Variants in PRKD3 observed in about 807,000 individuals in gnomAD.
PRKD3 encodes serine/threonine-protein kinase D3.
In PRKD3, 47 loss-of-function variants were observed where a neutral mutation model predicts 99.2. That is an observed-to-expected ratio of 0.47 (90% confidence interval 0.38 to 0.60). PRKD3 has a LOEUF of 0.60. Ranked by LOEUF, PRKD3 falls within the 20% of genes least tolerant of loss-of-function variation. The probability of loss-of-function intolerance (pLI) is 0.00; values close to 1 mark genes in which losing one functional copy is unlikely to be tolerated. For synonymous variants in PRKD3, 392 were observed against 355.4 expected, an observed-to-expected ratio of 1.10 and a Z score of -1.16; for missense variants, 1,019 against 1,088.4, an observed-to-expected ratio of 0.94 and a Z score of 0.90.
intron 1 of PRKD3, among the ~76,000 whole-genome samples, chr2:37,322,456 CAG>C (rs149561077): frequency 0.022 from 3,388 of 152,326 alleles, 57 homozygotes; most frequent in Middle Eastern, 0.051. Flanking sequence ...CTTCCACTGT[CAG>C]AGAGTACTGA....
intron 2 of PRKD3, among the ~76,000 whole-genome samples, chr2:37,295,853 A>G (rs1670650905): frequency 6.6e-6 from 1 of 152,250 alleles, no homozygotes. Flanking sequence ...TGCTGACAGC[A>G]TTGTGTAGAG....
intron 14 of PRKD3, among the ~76,000 whole-genome samples, chr2:37,266,327 AT>A (rs761696747): frequency 6.6e-6 from 1 of 152,100 alleles, no homozygotes; most frequent in Non-Finnish European, 1.5e-5. Context: ...AGCATTAACC[AT>A]TTTTTGTTGT....
chr2:37,253,999 T>C (rs997732745), intron 18 of PRKD3, among the ~76,000 whole-genome samples: 1 of 152,216 alleles, frequency 6.6e-6, no homozygotes, highest in African/African-American at 2.4e-5. Flanking sequence ...GGCTAAGTCA[T>C]TGCTTTCAGT....
intron 13 of PRKD3, chr2:37,268,613 G>A (rs905238509): frequency 7.6e-6 from 2 of 261,962 alleles, no homozygotes; most frequent in African/African-American, 4.6e-5. Flanking sequence ...TTATTTGATG[G>A]AGAAATAGGT....
chr2:37,305,103 T>C (rs1279623313), intron 2 of PRKD3, among the ~76,000 whole-genome samples: 2 of 151,350 alleles, frequency 1.3e-5, no homozygotes, highest in African/African-American at 2.4e-5. Flanking sequence ...AAAGAATGGA[T>C]AGAAAAAAAA....
At chr2:37,284,794 A>G (rs531101963) in intron 6 of PRKD3, among the ~76,000 whole-genome samples, 1 of 152,088 alleles carries the variant, frequency 6.6e-6, no homozygotes, top group South Asian at 2.1e-4. Context: ...TATTATTATT[A>G]TTATTTTTTA....
Position 37,286,193 on chromosome 2 carries a change from T to C in PRKD3, c.894A>G (p.Gln298=). 1 of 1,613,078 alleles carries C rather than the reference T, an allele frequency of 6.2e-7. No individual in the cohort carries two copies. Among genetic ancestry groups the C allele is most frequent in the Non-Finnish European group, 8.5e-7 (1 of 1,179,258 alleles). ...TAATCCTACCTTTACACTGCATTCC[T>C]TGGCGAAAGAGGCCTTTCAGTAACC... The part of the protein sequence containing the change: ...CKRLLKGLFR[Q]GMQCKDCKFN... The change falls in exon 6 of 19, where the codon CAA becomes CAG. Residue 298 remains glutamine, a synonymous_variant. Transcript: ENST00000234179.
intron 2 of PRKD3, among the ~76,000 whole-genome samples, chr2:37,300,409 A>C (rs1670870636): frequency 6.6e-6 from 1 of 152,224 alleles, no homozygotes; most frequent in Non-Finnish European, 1.5e-5. Context: ...AGGGTTGGTT[A>C]ATGATTACAA....
chr2:37,294,688 A>T (rs1162642049), intron 2 of PRKD3, among the ~76,000 whole-genome samples: 1 of 152,216 alleles, frequency 6.6e-6, no homozygotes, highest in East Asian at 1.9e-4. Context: ...AATTTTACTA[A>T]ATTTTATGAA....
rs145240123 is a variant in PRKD3 at position 37,319,044 on chromosome 2, T to C, written c.-655-1865A>G. On this transcript the variant is annotated intron_variant, in intron 1 of 18. Transcript: ENST00000234179. ...TGGAAAAAAATAACAATAGCTTACA[T>C]TTATTAAGCTCTTACTATCTGTCAG... 2.6e-5 allele frequency among the ~76,000 whole-genome samples: 4 copies of C among 152,314 alleles called. No individual in the cohort carries two copies. The East Asian group carries it at 7.7e-4, about 29-fold the overall frequency.
At chr2:37,258,310 T>A (rs1273367769) in intron 16 of PRKD3, among the ~76,000 whole-genome samples, 1 of 152,220 alleles carries the variant, frequency 6.6e-6, no homozygotes, top group African/African-American at 2.4e-5. Flanking sequence ...TGCTTCTCGA[T>A]TTCAGTGTCT....
chr2:37,253,563 T>C (rs1056546301), intron 18 of PRKD3, among the ~76,000 whole-genome samples: 5 of 152,160 alleles, frequency 3.3e-5, no homozygotes, highest in African/African-American at 7.2e-5. Flanking sequence ...CTCCAATGAA[T>C]GAACGTAACT....
chr2:37,261,865 T>G (rs1019579985), intron 14 of PRKD3, among the ~76,000 whole-genome samples: 1 of 152,242 alleles, frequency 6.6e-6, no homozygotes, highest in Non-Finnish European at 1.5e-5. Flanking sequence ...AAAAGTGGTA[T>G]GCATTCATTC....
rs1376640086 is a variant in PRKD3 at position 37,279,863 on chromosome 2, T to C, written c.1055A>G (p.Asp352Gly). ...TGTGTCATCCAAACCCCGACTACTATCACTATTTATGTCATTATTGTCAAT... is the reference window on the plus strand; with the variant it reads ...TGTGTCATCCAAACCCCGACTACTACCACTATTTATGTCATTATTGTCAAT... ...MDIDNNDINS[D>G]SSRGLDDTEE... The change falls in exon 8 of 19, where the codon GAT becomes GGT. Residue 352 changes from aspartate (D) to glycine (G), a missense_variant. Physicochemically the swap from Asp to Gly is moderately conservative, Grantham distance 94. Transcript: ENST00000234179. 6 of 1,613,062 alleles carry C rather than the reference T, an allele frequency of 3.7e-6. No individual in the cohort carries two copies. Among genetic ancestry groups the C allele is most frequent in the South Asian group, 1.1e-5 (1 of 91,064 alleles).
At chr2:37,258,269 A>G (rs555796732) in intron 16 of PRKD3, among the ~76,000 whole-genome samples, 18 of 152,340 alleles carry the variant, frequency 1.2e-4, no homozygotes, top group Non-Finnish European at 2.1e-4. Flanking sequence ...TTTATGAATG[A>G]TATTTGCTCA....
chr2:37,293,804 G>C lies in PRKD3; in HGVS notation c.289-533C>G, dbSNP rs1456029767. ...TAAATGCATTTGTCACAGAGACGCT[G>C]CTGCTGATATCGTTTACCTATTTCA... On this transcript the variant is annotated intron_variant, in intron 2 of 18. Transcript: ENST00000234179. Among the ~76,000 whole-genome samples, 4 of 152,200 alleles carry C rather than the reference G, an allele frequency of 2.6e-5. No individual in the cohort carries two copies. In the East Asian group the frequency reaches 7.7e-4, roughly 29 times the overall value.
At position 37,253,041 on chromosome 2, in the gene PRKD3, A is replaced by G; in HGVS notation, c.*136T>C. 2.3e-6 allele frequency: 2 copies of G among 857,982 alleles called. No individual in the cohort carries two copies. Among genetic ancestry groups the G allele is most frequent in the Non-Finnish European group, 3.5e-6 (2 of 575,460 alleles). The allele number at this position is 857,982 out of a possible 1,614,324, so 53.1% of individuals were successfully genotyped here. ...GTACCTACTCATTATGAACTACAGTACTGGTGTCACTTATTCGTTATCATA... is the reference window on the plus strand; with the variant it reads ...GTACCTACTCATTATGAACTACAGTGCTGGTGTCACTTATTCGTTATCATA... On this transcript the variant is annotated 3_prime_UTR_variant, in exon 19 of 19. Transcript: ENST00000234179.
At position 37,286,105 on chromosome 2, in the gene PRKD3, T is replaced by C. The variant is rs910505075; in HGVS notation, c.910+72A>G. 11 of 1,228,460 alleles carry C rather than the reference T, an allele frequency of 9.0e-6. No individual in the cohort carries two copies. The Admixed American group carries it at 2.4e-4, about 26-fold the overall frequency. The allele number at this position is 1,228,460 out of a possible 1,614,324, so 76.1% of individuals were successfully genotyped here. On this transcript the variant is annotated intron_variant, in intron 6 of 18. Transcript: ENST00000234179. Reference sequence around the variant, plus strand: ...TTCTTTGGCTAATGCTTCTGAAATATAAATATTTTAAGCCTATATATAATA... The same window carrying C: ...TTCTTTGGCTAATGCTTCTGAAATACAAATATTTTAAGCCTATATATAATA...
At chr2:37,275,691 AAC>A (rs1669534419) in intron 10 of PRKD3, 74 bp downstream of exon 10, 4 of 1,419,914 alleles carry the variant, frequency 2.8e-6, no homozygotes, top group Non-Finnish European at 3.8e-6. Context: ...ATTCAAATAT[AAC>A]AGTTAATGAA....
Sources: allele counts gnomAD v4.1 joint callset (sites outside exome capture counted in the v4.1 genomes callset), GRCh38; gene constraint gnomAD v4.1.1; transcripts MANE v1.5; gene names NCBI Gene and HGNC (gene_info 2026-07-23, HGNC 2026-07-21).